Variants in NCOR2 observed in about 807,000 individuals in gnomAD.
The protein encoded by NCOR2 is nuclear receptor corepressor 2, also known as CTG repeat protein 26.
A neutral mutation model predicts 262.9 loss-of-function variants in NCOR2; 81 were observed. The observed-to-expected ratio is 0.31, with a 90% CI of 0.26 to 0.37. The LOEUF (loss-of-function observed/expected upper bound fraction) is 0.37. Among genes scored for constraint, NCOR2 ranks in the 10% least tolerant of loss-of-function variants. NCOR2 has a pLI of 1.00. For missense variants in NCOR2, 3,385 were observed against 3,621.4 expected (o/e 0.93, Z 1.68); for synonymous variants, 1,659 against 1,559.3 (o/e 1.06, Z -1.51).
At chr12:124,554,440 C>T (rs2051818412) in intron 1 of NCOR2, among the ~76,000 whole-genome samples, 1 of 152,194 alleles carries the variant, frequency 6.6e-6, no homozygotes, top group Non-Finnish European at 1.5e-5. Context: ...GCTCCCCTCC[C>T]CAGGTTCCCT....
At chr12:124,345,051 TGGAA>T in intron 31 of NCOR2, 100 bp from the exon 34 acceptor site, 4 of 1,124,190 alleles carry the variant, frequency 3.6e-6, no homozygotes, top group Non-Finnish European at 4.9e-6. Flanking sequence ...ATCTATAAGA[TGGAA>T]GTGACATCTG....
chr12:124,338,789 C>G (rs1359829977), intron 37 of NCOR2, among the ~76,000 whole-genome samples: 3 of 152,154 alleles, frequency 2.0e-5, no homozygotes, highest in Non-Finnish European at 2.9e-5. Flanking sequence ...AACAACCTCC[C>G]CATCTACTCA....
intron 1 of NCOR2, among the ~76,000 whole-genome samples, chr12:124,561,099 G>T (rs1242688522): frequency 6.6e-6 from 1 of 152,204 alleles, no homozygotes; most frequent in Non-Finnish European, 1.5e-5. Context: ...GGCTGGGTCA[G>T]CCCCCATGAA....
intron 37 of NCOR2, among the ~76,000 whole-genome samples, chr12:124,338,398 C>T (rs566360755): frequency 9.3e-5 from 14 of 150,588 alleles, no homozygotes; most frequent in Non-Finnish European, 1.6e-4. Context: ...ACTGCAGCTA[C>T]TTGGGAGGCT....
intron 36 of NCOR2, 29 bp downstream of exon 38, chr12:124,340,265 A>C: frequency 6.2e-7 from 1 of 1,607,400 alleles, no homozygotes; most frequent in Non-Finnish European, 8.5e-7. Flanking sequence ...GGAGTCCCGG[A>C]GCGGGGGGTG....
chr12:124,496,051 G>A (rs1460063444), upstream of NCOR2, among the ~76,000 whole-genome samples: 3 of 152,096 alleles, frequency 2.0e-5, no homozygotes, highest in African/African-American at 7.2e-5. This position sits in a 1 kb window ranked among gnomAD's most constrained non-coding sequence, Gnocchi z 4.4. Flanking sequence ...GGCTCCTGGG[G>A]CAGATACTGG....
At chr12:124,325,677 G>C in intron 46 of NCOR2, 94 bp from the exon 49 acceptor site, 2 of 863,654 alleles carry the variant, frequency 2.3e-6, no homozygotes, top group Non-Finnish European at 3.2e-6. Context: ...AGAGGCCTCA[G>C]CGTTTCTGTC....
chr12:124,475,195 A>C (rs1026968867), intron 3 of NCOR2, among the ~76,000 whole-genome samples: 1 of 152,104 alleles, frequency 6.6e-6, no homozygotes. Flanking sequence ...GGACTCCTCG[A>C]GGGAAACAGA....
rs186298697 is a variant in NCOR2, at chr12:124,417,371, G to A, written c.1482+2586C>T. ...TCTACAACAGGATATGCCGGGCACC[G>A]ACACCCCCCACCCTTCTTAAATTAC... On this transcript the variant is annotated intron_variant, in intron 13 of 46. Coordinates refer to ENST00000405201, the Ensembl canonical transcript of NCOR2. Among the ~76,000 whole-genome samples, 54 of 152,250 alleles carry A rather than the reference G, an allele frequency of 3.5e-4. No individual in the cohort carries two copies. The East Asian group carries it at 8.9e-3, about 25-fold the overall frequency.
exon 47 of NCOR2, chr12:124,325,392 C>CCGGGGTGGG: frequency 8.7e-7 from 1 of 1,152,270 alleles, no homozygotes; most frequent in Non-Finnish European, 1.1e-6. Context: ...CCCCCCCGCC[C>CCGGGGTGGG]TGTTCTGAGT....
Position 124,483,589 on chromosome 12 carries a change from G to A in NCOR2, c.411+7C>T, listed in dbSNP as rs759966669. 1.3e-6 allele frequency: 2 copies of A among 1,579,074 alleles called. No individual in the cohort carries two copies. Among genetic ancestry groups the A allele is most frequent in the East Asian group, 2.3e-5 (1 of 43,516 alleles). ...AGAGGAGCTCCCAGCTGGGGGCCCA[G>A]GCTTACCTTGGTGAGGTCTTCAGAT... On this transcript the variant is annotated splice_region_variant and intron_variant, in intron 3 of 46. Transcript: ENST00000405201. The surrounding 1 kb of genome is among the most constrained non-coding windows in gnomAD (Gnocchi z 6.3).
At chr12:124,339,332 CATCT>C (rs781492627) in intron 37 of NCOR2, among the ~76,000 whole-genome samples, 124 of 137,408 alleles carry the variant, frequency 9.0e-4, no homozygotes, top group African/African-American at 1.9e-3. Context: ...TCCATCCATC[CATCT>C]GGCTAACTCA....
chr12:124,341,456 C>A (rs1046290331), intron 34 of NCOR2, among the ~76,000 whole-genome samples: 2 of 152,170 alleles, frequency 1.3e-5, no homozygotes, highest in Non-Finnish European at 2.9e-5. Context: ...TCAGACTGGT[C>A]TCGAACTTCT....
intron 13 of NCOR2, among the ~76,000 whole-genome samples, chr12:124,418,592 G>A (rs942851828): frequency 2.0e-5 from 3 of 152,190 alleles, no homozygotes; most frequent in Non-Finnish European, 2.9e-5. Context: ...GCAAAACAAC[G>A]GCTTTACCAT....
intron 13 of NCOR2, among the ~76,000 whole-genome samples, chr12:124,411,276 A>G: frequency 6.7e-6 from 1 of 148,756 alleles, no homozygotes; most frequent in African/African-American, 2.5e-5. Context: ...ACACACACAG[A>G]GAGAGAGAGA....
At chr12:124,350,183 T>C (rs1026797871) in intron 28 of NCOR2, among the ~76,000 whole-genome samples, 1 of 151,960 alleles carries the variant, frequency 6.6e-6, no homozygotes, top group African/African-American at 2.4e-5. Context: ...AGGGAGAGGA[T>C]GGGGGCTCCG....
chr12:124,457,179 A>G lies in NCOR2; in HGVS notation c.706-17T>C. ...AGCCTTCTTCTGCAGGGTGATGGCG[A>G]AGAGGAGGAATTTTTTTAAAAAACA... On this transcript the variant is annotated splice_polypyrimidine_tract_variant and intron_variant, in intron 5 of 46. Transcript: ENST00000405201. This position sits in a 1 kb window ranked among gnomAD's most constrained non-coding sequence, Gnocchi z 4.0. The G allele has an allele frequency of 6.5e-7, 1 of 1,535,106 alleles. No homozygotes were observed. The highest frequency in any genetic ancestry group is 8.7e-7 in the Non-Finnish European group (1 of 1,152,366).
At chr12:124,371,945 C>T (rs771393494) in intron 20 of NCOR2, 77 bp downstream of exon 22, 25 of 1,400,636 alleles carry the variant, frequency 1.8e-5, no homozygotes, top group African/African-American at 2.9e-5. Context: ...AGACTGGGTG[C>T]GGCTGTCTAA....
intron 7 of NCOR2, among the ~76,000 whole-genome samples, chr12:124,441,425 T>C (rs2044796938): frequency 6.6e-6 from 1 of 152,272 alleles, no homozygotes; most frequent in South Asian, 2.1e-4. Flanking sequence ...AAACAAATGA[T>C]TCAATACATC....
Sources: gnomAD v4.1 joint callset for allele counts (sites outside exome capture counted in the v4.1 genomes callset) on GRCh38, gnomAD v4.1.1 for gene constraint, Gnocchi (gnomAD v3.1) non-coding constraint, MANE v1.5 for transcripts, NCBI Gene and HGNC (gene_info 2026-07-23, HGNC 2026-07-21) for gene names.